TUBGCP2: variants seen among roughly 807,000 people sequenced by gnomAD.
The protein encoded by TUBGCP2 is tubulin gamma complex component 2.
A neutral mutation model predicts 92.2 loss-of-function variants in TUBGCP2; 55 were observed. That is an observed-to-expected ratio of 0.60 (90% CI 0.48 to 0.75). TUBGCP2 has a LOEUF of 0.75. Ranked by LOEUF, TUBGCP2 falls within the 30% of genes least tolerant of loss-of-function variation. The pLI, the probability that TUBGCP2 is intolerant of heterozygous loss-of-function variation, is 0.00. For missense variants in TUBGCP2, 1,093 were observed against 1,188.9 expected (o/e 0.92, Z 1.19); for synonymous variants, 533 against 505.2 (o/e 1.06, Z -0.74).
upstream of TUBGCP2, chr10:133,312,116 C>T: frequency 1.4e-6 from 2 of 1,441,514 alleles, no homozygotes; most frequent in South Asian, 1.5e-5. Context: ...GAAAGAGTCT[C>T]ACTTGCAGTT....
chr10:133,305,378 T>C (rs914622632), intron 1 of TUBGCP2, among the ~76,000 whole-genome samples: 2 of 152,146 alleles, frequency 1.3e-5, no homozygotes, highest in Non-Finnish European at 2.9e-5. Context: ...TCATTGGAGA[T>C]GACTCACACT....
chr10:133,286,334 A>G (rs1036225190), intron 11 of TUBGCP2, among the ~76,000 whole-genome samples: 3 of 152,232 alleles, frequency 2.0e-5, no homozygotes, highest in African/African-American at 7.2e-5. Context: ...TTGTGACCCA[A>G]CAATTTCACT....
At chr10:133,307,826 A>G (rs1375689884) in intron 1 of TUBGCP2, among the ~76,000 whole-genome samples, 1 of 152,220 alleles carries the variant, frequency 6.6e-6, no homozygotes, top group African/African-American at 2.4e-5. Flanking sequence ...TGGATGGTGT[A>G]CGGCCTACAA....
Position 133,292,695 on chromosome 10 carries a change from G to T in TUBGCP2, c.1025-7C>A. 1 of 1,610,848 alleles carries T rather than the reference G, an allele frequency of 6.2e-7. No homozygotes were observed. Among genetic ancestry groups the T allele is most frequent in the East Asian group, 2.2e-5 (1 of 44,762 alleles). The stretch of plus-strand genomic sequence containing the variant: ...CCTTTGTCCACCGAGGTGGCTGTGG[G>T]GAGAAAGGAGGGCTCACTGCTGAGA... On this transcript the variant is annotated splice_region_variant and splice_polypyrimidine_tract_variant and intron_variant, in intron 7 of 17. Transcript: ENST00000252936.
chr10:133,284,898 C>A (rs574743187), intron 13 of TUBGCP2, among the ~76,000 whole-genome samples, 187 bp downstream of exon 13: 1 of 152,346 alleles, frequency 6.6e-6, no homozygotes, highest in South Asian at 2.1e-4. Flanking sequence ...GCCGTGCAGC[C>A]CCAAGACAGG....
chr10:133,285,267 G>A lies in TUBGCP2; in HGVS notation c.1896-54C>T. On this transcript the variant is annotated intron_variant, in intron 12 of 17. Coordinates refer to ENST00000252936, the MANE Select transcript of TUBGCP2 (RefSeq NM_006659.4). The surrounding 1 kb of genome is among the most constrained non-coding windows in gnomAD (Gnocchi z 6.8). ...GGGCCTCCGTGACCGGCGGCGTCGT[G>A]GACACGGCGTCTGTACTCCACAGTC... The A allele has an allele frequency of 6.2e-7, 1 of 1,605,960 alleles. No homozygotes were observed. Among genetic ancestry groups the A allele is most frequent in the South Asian group, 1.1e-5 (1 of 90,648 alleles).
At chr10:133,309,239 G>A (rs909142434), upstream of TUBGCP2, 1 of 973,558 alleles carries the variant, frequency 1.0e-6, no homozygotes, top group South Asian at 2.0e-5. Context: ...TGAGGTGGTG[G>A]GGCGGGGCCG....
rs528993856 is a variant in TUBGCP2, at chr10:133,282,057, G to C, written c.2409+166C>G. On this transcript the variant is annotated intron_variant, in intron 16 of 17. Transcript: ENST00000252936. Reference sequence around the variant, plus strand: ...GACCAGAGAGCTGAGAAGATTGTGAGAGGCTCTTGTGCTTGTGCTTGGAAG... The same window carrying C: ...GACCAGAGAGCTGAGAAGATTGTGACAGGCTCTTGTGCTTGTGCTTGGAAG... 1.4e-4 allele frequency among the ~76,000 whole-genome samples: 21 copies of C among 152,388 alleles called. No homozygotes were observed. The East Asian group carries it at 3.9e-3, about 28-fold the overall frequency.
chr10:133,300,200 G>T, intron 2 of TUBGCP2, 87 bp from the exon 3 acceptor site: 1 of 1,479,408 alleles, frequency 6.8e-7, no homozygotes. Flanking sequence ...AACACAATAA[G>T]CCAATGGAAT....
At position 133,279,624 on chromosome 10, in the gene TUBGCP2, A is replaced by C. The variant is rs1033029324; in HGVS notation, c.*142T>G. On this transcript the variant is annotated 3_prime_UTR_variant, in exon 18 of 18. Coordinates refer to ENST00000252936, the MANE Select transcript of TUBGCP2 (RefSeq NM_006659.4). ...TAAAACGAAACCCAGCGCCTTGAGA[A>C]ACAAAGTGAGCTGAGTCAATCATTC... 7.7e-7 allele frequency: 1 copy of C among 1,291,980 alleles called. No individual in the cohort carries two copies. The highest frequency in any genetic ancestry group is 1.0e-6 in the Non-Finnish European group (1 of 993,988). 80.0% of individuals were successfully genotyped at this position (1,291,980 alleles called of 1,614,324 possible). A position where few individuals can be genotyped will look rare whatever the true frequency, so the allele number is the denominator to read the frequency against.
upstream of TUBGCP2, chr10:133,311,800 C>T (rs1264380902): frequency 5.6e-6 from 9 of 1,613,192 alleles, no homozygotes; most frequent in Non-Finnish European, 7.6e-6. Flanking sequence ...CTGTGGCAGC[C>T]TCCCCTGCAC....
upstream of TUBGCP2, chr10:133,309,443 C>G (rs138971034): frequency 1.2e-5 from 20 of 1,612,318 alleles, no homozygotes; most frequent in Non-Finnish European, 1.6e-5. Context: ...TGCAGGTGGC[C>G]GACGTGCCTG....
rs1199696721 is a variant in TUBGCP2, at chr10:133,302,728, T to TG, written c.150+63dup. On this transcript the variant is annotated intron_variant, in intron 2 of 17. Coordinates refer to ENST00000252936, the MANE Select transcript of TUBGCP2 (RefSeq NM_006659.4). ...CCCTGACCCAGGGGTGGGCTCACCC[T>TG]GCACCACCCTGACCCAGGAACAGTG... is the stretch of plus-strand genomic sequence containing the variant. The TG allele has an allele frequency of 6.3e-6, 10 of 1,599,186 alleles. No individual in the cohort carries two copies. In the African/African-American group the frequency reaches 1.3e-4, roughly 21 times the overall value.
upstream of TUBGCP2, chr10:133,308,884 C>T: frequency 8.3e-7 from 1 of 1,198,434 alleles, no homozygotes; most frequent in Non-Finnish European, 1.0e-6. Context: ...AGCGTGACGT[C>T]ACGTCCGGCT....
chr10:133,298,728 G>A (rs1283536394), intron 4 of TUBGCP2, among the ~76,000 whole-genome samples: 1 of 152,252 alleles, frequency 6.6e-6, no homozygotes, highest in African/African-American at 2.4e-5. Context: ...GTCTCTGCAC[G>A]TGGCAGTAAG....
intron 17 of TUBGCP2, among the ~76,000 whole-genome samples, chr10:133,280,748 C>T (rs1846945978): frequency 6.6e-6 from 1 of 152,206 alleles, no homozygotes; most frequent in Admixed American, 6.5e-5. Flanking sequence ...GGAGATGGGG[C>T]CTGGATGCAG....
chr10:133,306,433 C>T (rs1237627044), intron 1 of TUBGCP2, among the ~76,000 whole-genome samples: 1 of 152,194 alleles, frequency 6.6e-6, no homozygotes, highest in Non-Finnish European at 1.5e-5. Context: ...AAAGCACTCC[C>T]CCACCAGACA....
intron 5 of TUBGCP2, among the ~76,000 whole-genome samples, chr10:133,293,982 G>A (rs1026455110): frequency 6.6e-6 from 1 of 152,228 alleles, no homozygotes; most frequent in African/African-American, 2.4e-5. Flanking sequence ...AGGCGTGGTG[G>A]CTGGTGTCAA....
chr10:133,288,281 G>A lies in TUBGCP2; in HGVS notation c.1570C>T (p.Gln524Ter). ...ATGAAGTGCACGAAGAAGTCGCCCT[G>A]GTCCATGAGGAAGTAGCGCTTGATG... Reference protein sequence around the residue: ...RSIKRYFLMDQGDFFVHFMDL... With the variant: ...RSIKRYFLMD The change falls in exon 11 of 18, where the codon CAG becomes TAG. Residue 524 changes from glutamine to a stop codon, truncating the protein, a stop_gained. Transcript: ENST00000252936. LOFTEE classifies it high-confidence loss of function. 2 of 1,613,574 alleles carry A rather than the reference G, an allele frequency of 1.2e-6. No individual in the cohort carries two copies. Among genetic ancestry groups the A allele is most frequent in the Non-Finnish European group, 8.5e-7 (1 of 1,179,944 alleles).
Sources: gnomAD v4.1 joint callset for allele counts (sites outside exome capture counted in the v4.1 genomes callset) on GRCh38, gnomAD v4.1.1 for gene constraint, Gnocchi (gnomAD v3.1) non-coding constraint, MANE v1.5 for transcripts, NCBI Gene and HGNC (gene_info 2026-07-23, HGNC 2026-07-21) for gene names.